The following GPM6A variants were observed in gnomAD, a reference collection of about 807,000 sequenced individuals.
The protein encoded by GPM6A is neuronal membrane glycoprotein M6-a.
GPM6A carries 7 observed loss-of-function variants against 32.1 expected under a neutral mutation model. The ratio of observed to expected loss-of-function variants is 0.22; its 90% confidence interval spans 0.12 to 0.41. The LOEUF is 0.41. Among genes scored for constraint, GPM6A ranks in the 10% least tolerant of loss-of-function variants. The pLI is 1.00. For missense variants in GPM6A, 235 were observed against 347.2 expected, an observed-to-expected ratio of 0.68 and a Z score of 2.57; for synonymous variants, 130 against 123.4, an observed-to-expected ratio of 1.05 and a Z score of -0.35.
At chr4:175,639,534 TG>T (rs1323313317) in intron 6 of GPM6A, among the ~76,000 whole-genome samples, 1 of 152,114 alleles carries the variant, frequency 6.6e-6, no homozygotes, top group Non-Finnish European at 1.5e-5. Flanking sequence ...GGTTGATATT[TG>T]GCATTCCAGT....
At position 175,849,256 on chromosome 4, in the gene GPM6A, T is replaced by A. The variant is rs144765637; in HGVS notation, c.-22-37007A>T. 6.7e-3 allele frequency among the ~76,000 whole-genome samples: 1,022 copies of A among 152,282 alleles called. 8 individuals are homozygous for A. Among genetic ancestry groups the A allele is most frequent in the African/African-American group, 0.022 (934 of 41,568 alleles). ...CTTCCCAATTCTCCCAGCCCCCTTTTAGTTGCATGGGGCCTTGTGACTAAT... is the reference window on the plus strand; with the variant it reads ...CTTCCCAATTCTCCCAGCCCCCTTTAAGTTGCATGGGGCCTTGTGACTAAT... On this transcript the variant is annotated intron_variant, in intron 1 of 7. Coordinates refer to the GPM6A transcript ENST00000280187.
intron 1 of GPM6A, among the ~76,000 whole-genome samples, chr4:175,750,068 T>A (rs2111186418): frequency 6.6e-6 from 1 of 150,986 alleles, no homozygotes; most frequent in East Asian, 1.9e-4. Flanking sequence ...ACCTATTGCT[T>A]TTTTTTTTGA....
At chr4:175,819,566 G>C (rs1735212010) in intron 1 of GPM6A, among the ~76,000 whole-genome samples, 1 of 152,130 alleles carries the variant, frequency 6.6e-6, no homozygotes, top group African/African-American at 2.4e-5. Flanking sequence ...CACCACAACA[G>C]CCCTGTCAGG....
At chr4:175,654,481 C>A (rs569739751) in intron 3 of GPM6A, among the ~76,000 whole-genome samples, 1 of 152,212 alleles carries the variant, frequency 6.6e-6, no homozygotes, top group South Asian at 2.1e-4. Flanking sequence ...CTATTTTTAT[C>A]ATTGAAAATA....
chr4:175,731,744 C>T (rs1229258493), intron 1 of GPM6A, among the ~76,000 whole-genome samples: 9 of 152,176 alleles, frequency 5.9e-5, no homozygotes, highest in African/African-American at 2.2e-4. Flanking sequence ...TAAGTATACT[C>T]AGGGCGATAG....
intron 1 of GPM6A, among the ~76,000 whole-genome samples, chr4:175,830,684 A>G (rs1461183233): frequency 6.6e-6 from 1 of 152,226 alleles, no homozygotes; most frequent in Non-Finnish European, 1.5e-5. Flanking sequence ...CATTTTGAAT[A>G]AAGAGTGTAT....
At chr4:175,816,877 T>C (rs1201972481), upstream of GPM6A, among the ~76,000 whole-genome samples, 1 of 152,168 alleles carries the variant, frequency 6.6e-6, no homozygotes, top group Non-Finnish European at 1.5e-5. Flanking sequence ...TATTTTTTTT[T>C]TGAGACGGAG....
At chr4:175,828,246 T>G (rs948617196) in intron 1 of GPM6A, among the ~76,000 whole-genome samples, 1 of 152,158 alleles carries the variant, frequency 6.6e-6, no homozygotes, top group Non-Finnish European at 1.5e-5. Context: ...TAACAGTTAT[T>G]AGTCAGGGTA....
intron 1 of GPM6A, among the ~76,000 whole-genome samples, chr4:175,962,814 T>C (rs777407797): frequency 3.9e-5 from 6 of 152,128 alleles, no homozygotes; most frequent in African/African-American, 1.4e-4. Flanking sequence ...AAACAAAATT[T>C]AAGAGACAGG....
intron 1 of GPM6A, among the ~76,000 whole-genome samples, chr4:175,845,865 T>C (rs1736071183): frequency 6.6e-6 from 1 of 152,090 alleles, no homozygotes; most frequent in Admixed American, 6.6e-5. Flanking sequence ...TGTCTCTCCA[T>C]TATTTGAATG....
intron 1 of GPM6A, among the ~76,000 whole-genome samples, chr4:175,744,346 T>A (rs150581178): frequency 0.022 from 3,406 of 152,152 alleles, 139 homozygotes; most frequent in African/African-American, 0.075. Flanking sequence ...AAACTTCTGA[T>A]ATGTACTAAA....
chr4:175,699,094 G>A (rs1437757374), intron 2 of GPM6A, among the ~76,000 whole-genome samples: 1 of 152,158 alleles, frequency 6.6e-6, no homozygotes, highest in Non-Finnish European at 1.5e-5. Context: ...ATCTGTAGAT[G>A]TTAAGGACAT....
intron 1 of GPM6A, among the ~76,000 whole-genome samples, chr4:175,754,476 G>A (rs1263656183): frequency 6.6e-6 from 1 of 152,122 alleles, no homozygotes; most frequent in Non-Finnish European, 1.5e-5. Flanking sequence ...ATGGGTTCAT[G>A]TTAAATTTGT....
At chr4:175,861,517 C>A (rs574820527) in intron 1 of GPM6A, among the ~76,000 whole-genome samples, 2 of 151,094 alleles carry the variant, frequency 1.3e-5, no homozygotes, top group South Asian at 4.2e-4. Flanking sequence ...TTTCAGAAGC[C>A]GAGGCAGGCA....
intron 1 of GPM6A, among the ~76,000 whole-genome samples, chr4:175,895,518 G>T (rs1394625092): frequency 6.6e-6 from 1 of 152,066 alleles, no homozygotes; most frequent in Non-Finnish European, 1.5e-5. Context: ...TGAAAACACA[G>T]ATGAGGAAAA....
intron 1 of GPM6A, among the ~76,000 whole-genome samples, chr4:175,853,502 TTC>T (rs1244093347): frequency 1.4e-5 from 1 of 69,240 alleles, no homozygotes; most frequent in African/African-American, 6.6e-5. Flanking sequence ...TTCAAACAAG[TTC>T]TTTTTTTTTT....
intron 2 of GPM6A, among the ~76,000 whole-genome samples, chr4:175,683,035 C>G (rs1056284921): frequency 6.6e-6 from 1 of 152,142 alleles, no homozygotes; most frequent in Non-Finnish European, 1.5e-5. Flanking sequence ...CTCTGTGCCT[C>G]AAAAATATGC....
At chr4:175,943,325 A>G (rs532111163) in intron 1 of GPM6A, among the ~76,000 whole-genome samples, 29 of 152,174 alleles carry the variant, frequency 1.9e-4, no homozygotes, top group African/African-American at 7.0e-4. Context: ...GTCATCTGCA[A>G]AGAGACAATT....
intron 3 of GPM6A, among the ~76,000 whole-genome samples, chr4:175,672,668 T>G (rs923607965): frequency 2.6e-5 from 4 of 152,214 alleles, no homozygotes; most frequent in African/African-American, 9.6e-5. Context: ...CTTAGTCACA[T>G]TATTGGGATT....
Sources: allele counts gnomAD v4.1 joint callset (sites outside exome capture counted in the v4.1 genomes callset), GRCh38; gene constraint gnomAD v4.1.1; transcripts MANE v1.5; gene names NCBI Gene and HGNC (gene_info 2026-07-23, HGNC 2026-07-21).